The following SENP7 variants were observed in gnomAD, a reference collection of about 807,000 sequenced individuals.
The protein encoded by SENP7 is SUMO specific peptidase 7.
In SENP7, 64 loss-of-function variants were observed where a neutral mutation model predicts 141.2. The observed-to-expected ratio is 0.45, with a 90% CI of 0.37 to 0.56. The LOEUF (loss-of-function observed/expected upper bound fraction) is 0.56, where lower values mean the gene tolerates loss of function less well. Ranked by LOEUF, SENP7 falls within the 20% of genes least tolerant of loss-of-function variation. The probability of loss-of-function intolerance (pLI) is 0.00; values close to 1 mark genes in which losing one functional copy is unlikely to be tolerated. For synonymous variants in SENP7, 382 were observed against 426.4 expected (o/e 0.90, Z 1.28); for missense variants, 1,025 against 1,212.2 (o/e 0.85, Z 2.29).
At chr3:101,475,483 C>T (rs560597505) in intron 3 of SENP7, among the ~76,000 whole-genome samples, 1 of 152,296 alleles carries the variant, frequency 6.6e-6, no homozygotes, top group African/African-American at 2.4e-5. Context: ...TGTCCTCACT[C>T]ATAAGTGGGA....
At chr3:101,374,989 GGCC>G (rs1240522716) in intron 6 of SENP7, among the ~76,000 whole-genome samples, 1 of 151,898 alleles carries the variant, frequency 6.6e-6, no homozygotes, top group Non-Finnish European at 1.5e-5. Flanking sequence ...ACATACAAAT[GGCC>G]AATTAGCATG....
At chr3:101,367,452 AAATAAATCT>A (rs1400950324) in intron 8 of SENP7, among the ~76,000 whole-genome samples, 1 of 152,066 alleles carries the variant, frequency 6.6e-6, no homozygotes, top group Non-Finnish European at 1.5e-5. Context: ...GCTACTGATA[AAATAAATCT>A]AATAATAATT....
chr3:101,460,550 G>A (rs1323574205), intron 3 of SENP7, among the ~76,000 whole-genome samples: 1 of 152,022 alleles, frequency 6.6e-6, no homozygotes, highest in African/African-American at 2.4e-5. Context: ...GAATTCAAAT[G>A]GAGAGAAGAC....
At chr3:101,453,915 A>G (rs182200639) in intron 4 of SENP7, among the ~76,000 whole-genome samples, 10 of 152,292 alleles carry the variant, frequency 6.6e-5, no homozygotes, top group African/African-American at 2.4e-4. Flanking sequence ...ACATGAAAAG[A>G]TAATCAACAT....
chr3:101,327,335 G>A (rs1016802046), intron 23 of SENP7, among the ~76,000 whole-genome samples: 6 of 151,956 alleles, frequency 3.9e-5, no homozygotes, highest in Admixed American at 6.6e-5. Flanking sequence ...TCATGGGGGC[G>A]GTTTTCCCCC....
In SENP7 at chr3:101,325,867, G is replaced by A. The variant is rs1208152605; in HGVS notation, c.*76C>T. The stretch of plus-strand genomic sequence containing the variant: ...CTGCAAGTTATTTTCTTCTCTGTGA[G>A]CTGGCTAACACAAATGCTGGTAAGA... On this transcript the variant is annotated 3_prime_UTR_variant, in exon 24 of 24. Coordinates refer to ENST00000394095, the MANE Select transcript of SENP7 (RefSeq NM_020654.5). 5 of 1,339,808 alleles carry A rather than the reference G, an allele frequency of 3.7e-6. No individual in the cohort carries two copies. The highest frequency in any genetic ancestry group is 2.5e-5 in the East Asian group (1 of 39,624). The allele number at this position is 1,339,808 out of a possible 1,614,324, so 83.0% of individuals were successfully genotyped here. A position where few individuals can be genotyped will look rare whatever the true frequency, so the allele number is the denominator to read the frequency against.
At chr3:101,490,282 T>A (rs940529885) in intron 3 of SENP7, among the ~76,000 whole-genome samples, 31 of 151,398 alleles carry the variant, frequency 2.0e-4, no homozygotes, top group African/African-American at 6.8e-4. Flanking sequence ...AATGGAATAT[T>A]ACATAGCAAT....
chr3:101,488,165 CTCTT>C (rs1398246090), intron 3 of SENP7, among the ~76,000 whole-genome samples: 2 of 152,038 alleles, frequency 1.3e-5, no homozygotes, highest in African/African-American at 4.8e-5. Context: ...TTCTTGTAGA[CTCTT>C]TCACCTTCTT....
At chr3:101,362,996 C>G (rs972962507) in intron 10 of SENP7, 27 of 164,094 alleles carry the variant, frequency 1.6e-4, no homozygotes, top group African/African-American at 6.5e-4. Context: ...CACACATTAC[C>G]AAACAGATTA....
intron 4 of SENP7, among the ~76,000 whole-genome samples, chr3:101,443,046 A>T (rs966786760): frequency 6.6e-6 from 1 of 152,184 alleles, no homozygotes; most frequent in African/African-American, 2.4e-5. Flanking sequence ...CTGAATGGTA[A>T]TGCCGAGGTT....
intron 1 of SENP7, among the ~76,000 whole-genome samples, chr3:101,507,159 C>T (rs953275046): frequency 6.6e-6 from 1 of 151,680 alleles, no homozygotes; most frequent in African/African-American, 2.4e-5. Flanking sequence ...TTTACCAATA[C>T]GAGCACACAC....
chr3:101,336,883 G>T (rs1443392535), intron 17 of SENP7, among the ~76,000 whole-genome samples: 2 of 152,146 alleles, frequency 1.3e-5, no homozygotes, highest in Admixed American at 1.3e-4. Context: ...AACAAATAGG[G>T]TATTTCGTAT....
At chr3:101,483,663 G>C (rs76716222) in intron 3 of SENP7, among the ~76,000 whole-genome samples, 3,621 of 152,268 alleles carry the variant, frequency 0.024, 147 homozygotes, top group African/African-American at 0.082. Context: ...AACTGTGCTA[G>C]AGCAACTGAA....
intron 4 of SENP7, among the ~76,000 whole-genome samples, chr3:101,445,421 G>T (rs917573842): frequency 2.0e-5 from 3 of 151,870 alleles, no homozygotes; most frequent in Admixed American, 6.6e-5. Context: ...ACACAAATGA[G>T]AGAGAGGAAT....
At chr3:101,457,531 T>A in intron 4 of SENP7, 2 of 1,608,324 alleles carry the variant, frequency 1.2e-6, no homozygotes, top group Non-Finnish European at 1.7e-6. Flanking sequence ...GTTCCTTGGT[T>A]TGTAAACATA....
At chr3:101,496,168 G>A (rs1360642039) in intron 2 of SENP7, among the ~76,000 whole-genome samples, 1 of 152,118 alleles carries the variant, frequency 6.6e-6, no homozygotes, top group Admixed American at 6.5e-5. Context: ...TGTCTGGGTG[G>A]CCTTAATTCA....
chr3:101,358,425 TA>T, intron 11 of SENP7: 2 of 410,952 alleles, frequency 4.9e-6, no homozygotes. Flanking sequence ...AGAAACCCTA[TA>T]AATGTGATGA....
intron 1 of SENP7, among the ~76,000 whole-genome samples, chr3:101,510,456 GTTTTA>G (rs1317580618): frequency 1.3e-5 from 2 of 152,150 alleles, no homozygotes; most frequent in Non-Finnish European, 2.9e-5. Flanking sequence ...CAAATTTTGT[GTTTTA>G]TTTTATCTTT....
intron 3 of SENP7, among the ~76,000 whole-genome samples, chr3:101,476,344 G>A (rs184689528): frequency 1.3e-3 from 193 of 151,598 alleles, no homozygotes; most frequent in Non-Finnish European, 2.3e-3. Flanking sequence ...GTGAGAACAT[G>A]CAGTGTCTGG....
Sources: gnomAD v4.1 joint callset for allele counts (sites outside exome capture counted in the v4.1 genomes callset) on GRCh38, gnomAD v4.1.1 for gene constraint, MANE v1.5 for transcripts, NCBI Gene and HGNC (gene_info 2026-07-23, HGNC 2026-07-21) for gene names.